The following DPP6 variants were observed in gnomAD, a reference collection of about 807,000 sequenced individuals.
The protein encoded by DPP6 is A-type potassium channel modulatory protein DPP6.
DPP6 carries 69 observed loss-of-function variants against 122.6 expected under a neutral mutation model. The observed-to-expected ratio is 0.56, with a 90% CI of 0.46 to 0.69. The LOEUF is 0.69. Among genes scored for constraint, DPP6 ranks in the 30% least tolerant of loss-of-function variants. DPP6 has a pLI of 0.00. For missense variants in DPP6, 928 were observed against 1,116.9 expected (o/e 0.83, Z 2.41); for synonymous variants, 418 against 433.1 (o/e 0.97, Z 0.43).
the DPP6 span, among the ~76,000 whole-genome samples, chr7:153,813,255 C>G: frequency 1.3e-5 from 2 of 151,370 alleles, no homozygotes; most frequent in South Asian, 4.2e-4. Flanking sequence ...CAGTTCCCAC[C>G]TATGAGTGAG....
At chr7:153,812,793 T>C in the DPP6 span, among the ~76,000 whole-genome samples, 8 of 152,154 alleles carry the variant, frequency 5.3e-5, no homozygotes, top group Non-Finnish European at 1.2e-4. Context: ...TTGGTTTCTG[T>C]GATCTCCATC....
intron 1 of DPP6, among the ~76,000 whole-genome samples, chr7:154,276,595 T>C (rs191758269): frequency 6.6e-6 from 1 of 152,220 alleles, no homozygotes; most frequent in Non-Finnish European, 1.5e-5. Flanking sequence ...ATGGGACCTC[T>C]GCTCAGCTTT....
At chr7:154,250,125 C>T (rs1428494513) in intron 1 of DPP6, among the ~76,000 whole-genome samples, 1 of 152,088 alleles carries the variant, frequency 6.6e-6, no homozygotes, top group Non-Finnish European at 1.5e-5. Context: ...CTCAATTGAT[C>T]ACGACCCTCT....
At chr7:154,881,815 T>C (rs1027102626) in intron 21 of DPP6, among the ~76,000 whole-genome samples, 2 of 152,108 alleles carry the variant, frequency 1.3e-5, no homozygotes, top group Non-Finnish European at 2.9e-5. Flanking sequence ...GGTGAAGTGG[T>C]CAGGAGGAGG....
Position 154,811,558 on chromosome 7 carries a change from G to C in DPP6, c.1666+4446G>C, listed in dbSNP as rs1363319258. On this transcript the variant is annotated intron_variant, in intron 16 of 25. Coordinates refer to ENST00000377770, the MANE Select transcript of DPP6 (RefSeq NM_130797.4). ...ATGGGAAAAAGCAGTCCAAGTGGAA[G>C]GTACACCCTGAGAAAAAGCACAAGA... is the stretch of plus-strand genomic sequence containing the variant. Among the ~76,000 whole-genome samples, 3 of 152,172 alleles carry C rather than the reference G, an allele frequency of 2.0e-5. No individual in the cohort carries two copies. The East Asian group carries it at 5.8e-4, about 29-fold the overall frequency.
chr7:154,339,489 C>T (rs934611321), intron 1 of DPP6, among the ~76,000 whole-genome samples: 1 of 152,228 alleles, frequency 6.6e-6, no homozygotes, highest in African/African-American at 2.4e-5. Context: ...ACGTCTACTT[C>T]CCGTAGGCTC....
At chr7:154,722,666 G>A (rs1158444222) in intron 7 of DPP6, among the ~76,000 whole-genome samples, 1 of 152,152 alleles carries the variant, frequency 6.6e-6, no homozygotes, top group Non-Finnish European at 1.5e-5. Flanking sequence ...CCACGGTTGT[G>A]AGTGGCTCCA....
rs564690945 is a variant in DPP6 at position 154,737,049 on chromosome 7, C to T, written c.883+9162C>T. On this transcript the variant is annotated intron_variant, in intron 8 of 25. Transcript: ENST00000377770. ...GTTGGGAAGGACATGGTCTTCTTAC[C>T]GTGAGCCCAGGGGCACAGGATCATA... 5.9e-5 allele frequency among the ~76,000 whole-genome samples: 9 copies of T among 152,294 alleles called. No homozygotes were observed. In the South Asian group the frequency reaches 1.2e-3, roughly 21 times the overall value.
intron 1 of DPP6, among the ~76,000 whole-genome samples, chr7:153,965,405 T>G (rs1237519708): frequency 6.6e-6 from 1 of 152,184 alleles, no homozygotes; most frequent in African/African-American, 2.4e-5. Flanking sequence ...CCACTGAGCA[T>G]GAAGCCAAGG....
Position 154,663,074 on chromosome 7 carries a change from G to T in DPP6, c.681-6286G>T, listed in dbSNP as rs550217157. ...TCACGCAGTCATGGTGAATCACCAT[G>T]GTATATTGGCCATAGCGTTCATATA... On this transcript the variant is annotated intron_variant, in intron 6 of 25. Coordinates refer to ENST00000377770, the MANE Select transcript of DPP6 (RefSeq NM_130797.4). 8.5e-5 allele frequency among the ~76,000 whole-genome samples: 5 copies of T among 58,716 alleles called. 1 individual carries two copies. The highest frequency in any genetic ancestry group is 2.1e-4 in the African/African-American group (5 of 23,352). The allele number at this position is 58,716 out of a possible 152,430, so 38.5% of individuals were successfully genotyped here. A position where few individuals can be genotyped will look rare whatever the true frequency, so the allele number is the denominator to read the frequency against.
rs751739574 is a variant in DPP6, at chr7:154,833,223, G to A, written c.1667-20557G>A. On this transcript the variant is annotated intron_variant, in intron 16 of 25. Transcript: ENST00000377770. This position sits in a 1 kb window ranked among gnomAD's most constrained non-coding sequence, Gnocchi z 4.3. ...GAAGAGTGAGGGTCCCGGGGTCCCA[G>A]TGCCCTGCCAGCATATTGTCGTAGA... Among the ~76,000 whole-genome samples the A allele has an allele frequency of 1.3e-5, 2 of 152,180 alleles. No individual in the cohort carries two copies. Among genetic ancestry groups the A allele is most frequent in the Non-Finnish European group, 2.9e-5 (2 of 68,028 alleles).
chr7:153,884,256 C>G (rs940164567), upstream of DPP6, among the ~76,000 whole-genome samples: 1 of 152,140 alleles, frequency 6.6e-6, no homozygotes, highest in East Asian at 1.9e-4. Context: ...TGAAAACATG[C>G]GTTGTTTGGT....
At chr7:154,515,026 CAA>C (rs1826375937) in intron 3 of DPP6, among the ~76,000 whole-genome samples, 1 of 152,142 alleles carries the variant, frequency 6.6e-6, no homozygotes, top group African/African-American at 2.4e-5. Flanking sequence ...GCCAAGAAGA[CAA>C]AGTCATTTCA....
At chr7:154,590,450 GT>G (rs1237016580) in intron 5 of DPP6, among the ~76,000 whole-genome samples, 1 of 150,542 alleles carries the variant, frequency 6.6e-6, no homozygotes, top group African/African-American at 2.5e-5. Flanking sequence ...TCAGCAGCGG[GT>G]AGGTCCGTGT....
chr7:154,402,977 C>A (rs1815768748), intron 1 of DPP6, among the ~76,000 whole-genome samples: 1 of 152,116 alleles, frequency 6.6e-6, no homozygotes, highest in South Asian at 2.1e-4. Flanking sequence ...AACTATAGTT[C>A]TTAGTCTCAG....
intron 7 of DPP6, among the ~76,000 whole-genome samples, chr7:154,673,619 C>T (rs1001240802): frequency 1.5e-4 from 23 of 152,090 alleles, no homozygotes; most frequent in Admixed American, 5.2e-4. Context: ...AAGATTGCTT[C>T]CAAACGTTTG....
chr7:153,767,926 A>T, the DPP6 span, among the ~76,000 whole-genome samples: 2,832 of 152,232 alleles, frequency 0.019, 32 homozygotes, highest in African/African-American at 0.036. Flanking sequence ...TGGTGAAGAA[A>T]GTGGGGTGAG....
Position 153,918,565 on chromosome 7 carries a change from AGTCTCTCT to A in DPP6, c.51+30832_51+30839del, listed in dbSNP as rs1287631477. Among the ~76,000 whole-genome samples, 516 of 57,418 alleles carry A rather than the reference AGTCTCTCT, an allele frequency of 9.0e-3. 9 individuals are homozygous for A. Among genetic ancestry groups the A allele is most frequent in the East Asian group, 0.017 (24 of 1,382 alleles). 37.7% of individuals were successfully genotyped at this position (57,418 alleles called of 152,430 possible). On this transcript the variant is annotated intron_variant, in intron 1 of 25. Transcript: ENST00000404039. ...CACACACACACACACACACACACAC[AGTCTCTCT>A]CTCTCTCTCTCTCTCTCTCTCTCTC...
At chr7:154,816,744 A>C (rs1042337520) in intron 16 of DPP6, among the ~76,000 whole-genome samples, 1 of 152,224 alleles carries the variant, frequency 6.6e-6, no homozygotes, top group Non-Finnish European at 1.5e-5. Context: ...GAAGTCAATG[A>C]AGCAGCATCC....
Sources: allele counts gnomAD v4.1 joint callset (sites outside exome capture counted in the v4.1 genomes callset), GRCh38; gene constraint gnomAD v4.1.1; non-coding constraint Gnocchi (gnomAD v3.1); transcripts MANE v1.5; gene names NCBI Gene and HGNC (gene_info 2026-07-23, HGNC 2026-07-21).